Variants in DSTN observed in about 807,000 individuals in gnomAD.
The protein encoded by DSTN is destrin.
DSTN carries 10 observed loss-of-function variants against 16.8 expected under a neutral mutation model. That is an observed-to-expected ratio of 0.60 (90% CI 0.37 to 1.01). The LOEUF (loss-of-function observed/expected upper bound fraction) is 1.01. Among genes scored for constraint, DSTN ranks in the 50% least tolerant of loss-of-function variants. DSTN has a pLI of 0.01. For synonymous variants in DSTN, 57 were observed against 58.9 expected, an observed-to-expected ratio of 0.97 and a Z score of 0.14; for missense variants, 141 against 196.7, an observed-to-expected ratio of 0.72 and a Z score of 1.69.
chr20:17,595,435 T>C (rs1325556763), intron 1 of DSTN, among the ~76,000 whole-genome samples: 2 of 152,196 alleles, frequency 1.3e-5, no homozygotes, highest in African/African-American at 4.8e-5. Context: ...ATCTTTTTCT[T>C]AGGCTAACTC....
At chr20:17,582,807 T>C (rs186890002) in intron 1 of DSTN, among the ~76,000 whole-genome samples, 120 of 152,310 alleles carry the variant, frequency 7.9e-4, no homozygotes, top group African/African-American at 2.8e-3. Context: ...TGTTGGTAGT[T>C]TTCCTGGCCT....
chr20:17,604,479 C>A (rs533886516), intron 2 of DSTN, 76 bp from the exon 3 acceptor site: 75 of 1,439,402 alleles, frequency 5.2e-5, no homozygotes, highest in Non-Finnish European at 6.6e-5. Flanking sequence ...AATGTTTACA[C>A]AAGCAAATGT....
At chr20:17,605,150 T>A in intron 3 of DSTN, 1 of 456,250 alleles carries the variant, frequency 2.2e-6, no homozygotes, top group Non-Finnish European at 4.4e-6. Flanking sequence ...TGTATTTGAC[T>A]TGCCACTGGG....
chr20:17,603,316 G>T (rs997648790), intron 2 of DSTN, among the ~76,000 whole-genome samples: 6 of 152,144 alleles, frequency 3.9e-5, no homozygotes, highest in Admixed American at 2.0e-4. Context: ...ATGACCTCCA[G>T]TAGGCTCTTG....
chr20:17,602,366 C>G (rs1325853956), intron 2 of DSTN, among the ~76,000 whole-genome samples: 1 of 152,244 alleles, frequency 6.6e-6, no homozygotes, highest in Non-Finnish European at 1.5e-5. Context: ...CCTTCCTCTT[C>G]TGGCATTCAC....
intron 1 of DSTN, among the ~76,000 whole-genome samples, chr20:17,585,887 C>G (rs1163304425): frequency 6.6e-6 from 1 of 152,162 alleles, no homozygotes. Flanking sequence ...ATTTGTGCCT[C>G]AGCAGTTCTA....
intron 3 of DSTN, among the ~76,000 whole-genome samples, chr20:17,605,610 G>T (rs193244010): frequency 1.3e-5 from 2 of 152,294 alleles, no homozygotes; most frequent in East Asian, 3.9e-4. Flanking sequence ...TGCTGGGTCA[G>T]GTTCTTCGTG....
At chr20:17,571,829 C>T (rs1324562777) in intron 1 of DSTN, among the ~76,000 whole-genome samples, 1 of 152,114 alleles carries the variant, frequency 6.6e-6, no homozygotes, top group East Asian at 1.9e-4. Context: ...AAGGAAGGGT[C>T]TGTTATATTT....
chr20:17,572,530 C>A (rs572260684), intron 1 of DSTN, among the ~76,000 whole-genome samples: 1 of 151,976 alleles, frequency 6.6e-6, no homozygotes, highest in Non-Finnish European at 1.5e-5. Context: ...TAGTCTTGCC[C>A]CTGAAGTAGA....
chr20:17,597,339 A>G (rs1229332250), intron 1 of DSTN, among the ~76,000 whole-genome samples: 1 of 152,190 alleles, frequency 6.6e-6, no homozygotes. Flanking sequence ...GGAGTGTGTT[A>G]TTTAGAGATC....
intron 1 of DSTN, among the ~76,000 whole-genome samples, chr20:17,587,483 A>C (rs1309190675): frequency 6.6e-6 from 1 of 151,856 alleles, no homozygotes; most frequent in Non-Finnish European, 1.5e-5. Context: ...GGTTGTTTTG[A>C]CTCTTTCCAA....
chr20:17,587,915 A>G (rs1440814787), intron 1 of DSTN, among the ~76,000 whole-genome samples: 3 of 152,230 alleles, frequency 2.0e-5, no homozygotes, highest in Non-Finnish European at 4.4e-5. Context: ...TCAAGTATTC[A>G]GTAGCCACAC....
intron 1 of DSTN, among the ~76,000 whole-genome samples, chr20:17,597,992 C>G (rs929651263): frequency 1.5e-4 from 15 of 98,182 alleles, no homozygotes; most frequent in African/African-American, 4.3e-4. Flanking sequence ...CAGTGTTTGT[C>G]AAGGTTCATC....
intron 1 of DSTN, among the ~76,000 whole-genome samples, chr20:17,593,449 T>TG (rs140070316): frequency 5.9e-4 from 90 of 152,288 alleles, no homozygotes; most frequent in African/African-American, 2.0e-3. Flanking sequence ...TTTAAGAACT[T>TG]GTGGCCTTAA....
intron 1 of DSTN, among the ~76,000 whole-genome samples, chr20:17,582,749 C>T (rs113422557): frequency 0.016 from 2,442 of 152,246 alleles, 59 homozygotes; most frequent in African/African-American, 0.056. Flanking sequence ...CTATGAACTT[C>T]TAGAACACAT....
rs965004700 is a variant in DSTN at position 17,570,104 on chromosome 20, A to C, written c.-105A>C. The C allele has an allele frequency of 1.5e-5, 22 of 1,477,930 alleles. No homozygotes were observed. Among genetic ancestry groups the C allele is most frequent in the Admixed American group, 1.4e-4 (6 of 44,040 alleles). 91.6% of individuals were successfully genotyped at this position (1,477,930 alleles called of 1,614,324 possible). On this transcript the variant is annotated 5_prime_UTR_variant, in exon 1 of 4. Transcript: ENST00000246069. Reference sequence around the variant, plus strand: ...CGGGGTAAGCTCGCGCCGCCGCGTCAGCTCAGCGCTGGGTCTCTCGGTCCC... The same window carrying C: ...CGGGGTAAGCTCGCGCCGCCGCGTCCGCTCAGCGCTGGGTCTCTCGGTCCC...
intron 1 of DSTN, among the ~76,000 whole-genome samples, chr20:17,571,970 C>T (rs2035212314): frequency 6.6e-6 from 1 of 152,098 alleles, no homozygotes; most frequent in Non-Finnish European, 1.5e-5. Flanking sequence ...ATTATAGACC[C>T]CCCATTTTTA....
chr20:17,597,855 C>T (rs2035544150), intron 1 of DSTN, among the ~76,000 whole-genome samples: 1 of 152,174 alleles, frequency 6.6e-6, no homozygotes, highest in Non-Finnish European at 1.5e-5. Flanking sequence ...CCCCATTCCC[C>T]TTTTTTCTCA....
At chr20:17,576,150 AC>A (rs374418104) in intron 1 of DSTN, 2 of 152,088 alleles carry the variant, frequency 1.3e-5, no homozygotes, top group African/African-American at 2.4e-5. Flanking sequence ...CTGTACTAAG[AC>A]CCCCATTGAG....
Sources: gnomAD v4.1 joint callset for allele counts (sites outside exome capture counted in the v4.1 genomes callset) on GRCh38, gnomAD v4.1.1 for gene constraint, MANE v1.5 for transcripts, NCBI Gene and HGNC (gene_info 2026-07-23, HGNC 2026-07-21) for gene names.